Variants in UQCRB observed in about 807,000 individuals in gnomAD.
The protein encoded by UQCRB is ubiquinol-cytochrome c reductase binding protein, also known as cytochrome b-c1 complex subunit 7.
UQCRB carries 12 observed loss-of-function variants against 19.8 expected under a neutral mutation model. The observed-to-expected ratio is 0.61, with a 90% confidence interval of 0.39 to 0.98. The LOEUF (loss-of-function observed/expected upper bound fraction) is 0.98. UQCRB is among the 50% of genes least tolerant of loss of function. UQCRB has a pLI of 0.00. For missense variants in UQCRB, 142 were observed against 131.8 expected (o/e 1.08, Z -0.38); for synonymous variants, 39 against 42.9 (o/e 0.91, Z 0.35).
chr8:96,230,249 GTAT>G lies in UQCRB; in HGVS notation c.*803_*805del, dbSNP rs764200114. On this transcript the variant is annotated 3_prime_UTR_variant, in exon 4 of 4. Transcript: ENST00000287022. ...TACCATCACGCCTAGCTAATTTTTT[GTAT>G]TTTTAGTAGAGACAGGGTTTCACCA... 14 of 423,038 alleles carry G rather than the reference GTAT, an allele frequency of 3.3e-5. No individual in the cohort carries two copies. The highest frequency in any genetic ancestry group is 2.5e-4 in the African/African-American group (12 of 48,692). 26.2% of individuals were successfully genotyped at this position (423,038 alleles called of 1,614,324 possible). A position where few individuals can be genotyped will look rare whatever the true frequency, so the allele number is the denominator to read the frequency against.
chr8:96,227,075 A>G lies in UQCRB; in HGVS notation c.*3980T>C. ...TGGCATATAAATTAAAACATTTAAA[A>G]TATTTTAACATCTATAGACTTTATT... On this transcript the variant is annotated 3_prime_UTR_variant, in exon 4 of 4. Coordinates refer to ENST00000287022, the MANE Select transcript of UQCRB (RefSeq NM_006294.5). The G allele has an allele frequency of 2.2e-6, 1 of 453,592 alleles. No individual in the cohort carries two copies. Among genetic ancestry groups the G allele is most frequent in the South Asian group, 1.6e-5 (1 of 64,184 alleles). 28.1% of individuals were successfully genotyped at this position (453,592 alleles called of 1,614,324 possible). A position where few individuals can be genotyped will look rare whatever the true frequency, so the allele number is the denominator to read the frequency against.
chr8:96,229,090 C>T lies in UQCRB; in HGVS notation c.*1965G>A, dbSNP rs1467808876. The T allele has an allele frequency of 2.2e-6, 1 of 453,972 alleles. No homozygotes were observed. Among genetic ancestry groups the T allele is most frequent in the East Asian group, 6.9e-5 (1 of 14,392 alleles). 28.1% of individuals were successfully genotyped at this position (453,972 alleles called of 1,614,324 possible). A position where few individuals can be genotyped will look rare whatever the true frequency, so the allele number is the denominator to read the frequency against. ...CGATAACCATAATTTATAATGAACA[C>T]AAAACATTGATCTAGTGTTCAAAGA... On this transcript the variant is annotated 3_prime_UTR_variant, in exon 4 of 4. Transcript: ENST00000287022.
chr8:96,225,777 T>C lies in UQCRB; in HGVS notation c.*5278A>G, dbSNP rs1809514919. On this transcript the variant is annotated 3_prime_UTR_variant, in exon 4 of 4. Transcript: ENST00000287022. ...TTAGTTTACCTTCTCCATGTTTCCA[T>C]AGTACCCAGTACATATTTTTTGTGG... 6.6e-6 allele frequency: 1 copy of C among 152,024 alleles called. No homozygotes were observed. Among genetic ancestry groups the C allele is most frequent in the African/African-American group, 2.4e-5 (1 of 41,394 alleles). The allele number at this position is 152,024 out of a possible 1,614,324, so 9.4% of individuals were successfully genotyped here.
In UQCRB at chr8:96,225,697, T is replaced by C. The variant is rs1344342327; in HGVS notation, c.*5358A>G. Among the ~76,000 whole-genome samples, 3 of 151,956 alleles carry C rather than the reference T, an allele frequency of 2.0e-5. No individual in the cohort carries two copies. Among genetic ancestry groups the C allele is most frequent in the African/African-American group, 7.2e-5 (3 of 41,382 alleles). Reference sequence around the variant, plus strand: ...TCTTCTTGGCTTAGCTAACTTTGCTTACTGTTCTGGAATCAGCCACATTAT... The same window carrying C: ...TCTTCTTGGCTTAGCTAACTTTGCTCACTGTTCTGGAATCAGCCACATTAT... On this transcript the variant is annotated 3_prime_UTR_variant, in exon 4 of 4. Coordinates refer to ENST00000287022, the MANE Select transcript of UQCRB (RefSeq NM_006294.5).
At position 96,227,121 on chromosome 8, in the gene UQCRB, T is replaced by C. The variant is rs1809541928; in HGVS notation, c.*3934A>G. The C allele has an allele frequency of 2.2e-6, 1 of 452,736 alleles. No individual in the cohort carries two copies. Among genetic ancestry groups the C allele is most frequent in the African/African-American group, 2.0e-5 (1 of 49,868 alleles). 28.0% of individuals were successfully genotyped at this position (452,736 alleles called of 1,614,324 possible). ...TTATTAGGTGTTCCTTATACAGTCA[T>C]CTGGTATGTTTAAAGAGTGAGCAAT... On this transcript the variant is annotated 3_prime_UTR_variant, in exon 4 of 4. Coordinates refer to ENST00000287022, the MANE Select transcript of UQCRB (RefSeq NM_006294.5).
At position 96,224,206 on chromosome 8, in the gene UQCRB, G is replaced by A. The variant is rs1418951558; in HGVS notation, c.*6849C>T. Among the ~76,000 whole-genome samples, 1 of 152,148 alleles carries A rather than the reference G, an allele frequency of 6.6e-6. No individual in the cohort carries two copies. Among genetic ancestry groups the A allele is most frequent in the African/African-American group, 2.4e-5 (1 of 41,430 alleles). On this transcript the variant is annotated 3_prime_UTR_variant, in exon 4 of 4. Coordinates refer to ENST00000287022, the MANE Select transcript of UQCRB (RefSeq NM_006294.5). Reference sequence around the variant, plus strand: ...CCAATGAAGGGACAATTAACAAACGGCAGGCAAGGTCAAGGAGAACCAACT... The same window carrying A: ...CCAATGAAGGGACAATTAACAAACGACAGGCAAGGTCAAGGAGAACCAACT...
rs1437544685 is a variant in UQCRB, at chr8:96,230,576, T to C, written c.*479A>G. On this transcript the variant is annotated 3_prime_UTR_variant, in exon 4 of 4. Transcript: ENST00000287022. ...TAGTATACATGTTAGCACAGGAGTA[T>C]GTATATTACTTAAGTATGCCTATGT... is the stretch of plus-strand genomic sequence containing the variant. 2 of 454,434 alleles carry C rather than the reference T, an allele frequency of 4.4e-6. No individual in the cohort carries two copies. The highest frequency in any genetic ancestry group is 8.8e-6 in the Non-Finnish European group (2 of 227,138). The allele number at this position is 454,434 out of a possible 1,614,324, so 28.2% of individuals were successfully genotyped here.
In UQCRB at chr8:96,229,580, G is replaced by T. The variant is rs1373298225; in HGVS notation, c.*1475C>A. On this transcript the variant is annotated 3_prime_UTR_variant, in exon 4 of 4. Transcript: ENST00000287022. Reference sequence around the variant, plus strand: ...AGGAAAATTTTCTGAATAGACAAATGCTTTTAAAGGGGGTTCTAGACAGCC... The same window carrying T: ...AGGAAAATTTTCTGAATAGACAAATTCTTTTAAAGGGGGTTCTAGACAGCC... 2 of 454,070 alleles carry T rather than the reference G, an allele frequency of 4.4e-6. No individual in the cohort carries two copies. Among genetic ancestry groups the T allele is most frequent in the Admixed American group, 4.7e-5 (2 of 42,566 alleles). The allele number at this position is 454,070 out of a possible 1,614,324, so 28.1% of individuals were successfully genotyped here. A position where few individuals can be genotyped will look rare whatever the true frequency, so the allele number is the denominator to read the frequency against.
At position 96,229,697 on chromosome 8, in the gene UQCRB, T is replaced by A. The variant is rs929692043; in HGVS notation, c.*1358A>T. ...AAACCATTATCAAGTGATCTAGTTG[T>A]CTTCAACCATACAAAAGAAAATTGA... On this transcript the variant is annotated 3_prime_UTR_variant, in exon 4 of 4. Transcript: ENST00000287022. 7 of 453,300 alleles carry A rather than the reference T, an allele frequency of 1.5e-5. No homozygotes were observed. The highest frequency in any genetic ancestry group is 2.6e-5 in the Non-Finnish European group (6 of 226,706). 28.1% of individuals were successfully genotyped at this position (453,300 alleles called of 1,614,324 possible).
At chr8:96,231,494 G>A (rs1480342308) in intron 3 of UQCRB, 6 of 1,534,064 alleles carry the variant, frequency 3.9e-6, no homozygotes, top group Non-Finnish European at 5.2e-6. Flanking sequence ...GAAGCAGAGT[G>A]CAGAGCTGGA....
chr8:96,230,515 T>C lies in UQCRB; in HGVS notation c.*540A>G. On this transcript the variant is annotated 3_prime_UTR_variant, in exon 4 of 4. Transcript: ENST00000287022. ...GGATATGGGGACAGTATGATTTGTC[T>C]TTATACTTTTATTTTTCTAACATCT... 1 of 453,958 alleles carries C rather than the reference T, an allele frequency of 2.2e-6. No homozygotes were observed. The highest frequency in any genetic ancestry group is 4.4e-6 in the Non-Finnish European group (1 of 226,776). The allele number at this position is 453,958 out of a possible 1,614,324, so 28.1% of individuals were successfully genotyped here. A position where few individuals can be genotyped will look rare whatever the true frequency, so the allele number is the denominator to read the frequency against.
chr8:96,228,200 T>A lies in UQCRB; in HGVS notation c.*2855A>T. The A allele has an allele frequency of 1.1e-5, 5 of 454,084 alleles. No individual in the cohort carries two copies. Among genetic ancestry groups the A allele is most frequent in the South Asian group, 7.8e-5 (5 of 64,474 alleles). The allele number at this position is 454,084 out of a possible 1,614,324, so 28.1% of individuals were successfully genotyped here. ...TAGACCACTTCAGAGTAAACAAACA[T>A]AACTTTCTTCAAGATGTAGGAAAAC... On this transcript the variant is annotated 3_prime_UTR_variant, in exon 4 of 4. Coordinates refer to ENST00000287022, the MANE Select transcript of UQCRB (RefSeq NM_006294.5).
intron 1 of UQCRB, 171 bp downstream of exon 1, chr8:96,235,341 G>C (rs533331399): frequency 1.0e-6 from 1 of 998,496 alleles, no homozygotes; most frequent in Non-Finnish European, 1.6e-6. Context: ...GCCCGCCCTG[G>C]GGACAGCAAA....
At position 96,229,223 on chromosome 8, in the gene UQCRB, A is replaced by C. The variant is rs1563535557; in HGVS notation, c.*1832T>G. On this transcript the variant is annotated 3_prime_UTR_variant, in exon 4 of 4. Transcript: ENST00000287022. ...CTCTTACAAAATCAGAGGTTGCCTT[A>C]TGTAATACCACACTTTACCTTGAGC... 2.2e-6 allele frequency: 1 copy of C among 454,008 alleles called. No homozygotes were observed. The highest frequency in any genetic ancestry group is 4.4e-6 in the Non-Finnish European group (1 of 226,796). The allele number at this position is 454,008 out of a possible 1,614,324, so 28.1% of individuals were successfully genotyped here. A position where few individuals can be genotyped will look rare whatever the true frequency, so the allele number is the denominator to read the frequency against.
Position 96,227,337 on chromosome 8 carries a change from G to C in UQCRB, c.*3718C>G, listed in dbSNP as rs1809547649. 2.2e-6 allele frequency: 1 copy of C among 454,084 alleles called. No homozygotes were observed. Among genetic ancestry groups the C allele is most frequent in the Non-Finnish European group, 4.4e-6 (1 of 226,780 alleles). The allele number at this position is 454,084 out of a possible 1,614,324, so 28.1% of individuals were successfully genotyped here. ...GAAAAATGAAGGAGGGGAGGGAGTT[G>C]GTGGGGCGCAGAATGGAGAAATCTT... On this transcript the variant is annotated 3_prime_UTR_variant, in exon 4 of 4. Coordinates refer to ENST00000287022, the MANE Select transcript of UQCRB (RefSeq NM_006294.5).
At position 96,228,244 on chromosome 8, in the gene UQCRB, C is replaced by T; in HGVS notation, c.*2811G>A. Reference sequence around the variant, plus strand: ...GGAAAACTGTATATTCAAAACCAATCTCAAACTTTAAACAACAAAAGATAT... The same window carrying T: ...GGAAAACTGTATATTCAAAACCAATTTCAAACTTTAAACAACAAAAGATAT... On this transcript the variant is annotated 3_prime_UTR_variant, in exon 4 of 4. Coordinates refer to ENST00000287022, the MANE Select transcript of UQCRB (RefSeq NM_006294.5). 2.2e-6 allele frequency: 1 copy of T among 454,096 alleles called. No individual in the cohort carries two copies. Among genetic ancestry groups the T allele is most frequent in the South Asian group, 1.6e-5 (1 of 64,484 alleles). 28.1% of individuals were successfully genotyped at this position (454,096 alleles called of 1,614,324 possible).
rs1301397272 is a variant in UQCRB at position 96,225,263 on chromosome 8, C to T, written c.*5792G>A. On this transcript the variant is annotated 3_prime_UTR_variant, in exon 4 of 4. Coordinates refer to ENST00000287022, the MANE Select transcript of UQCRB (RefSeq NM_006294.5). ...TCAATCCAAGAAATGCAAGTTTAAA[C>T]AAGAAACTCTCCAACCAAATTCACA... 6.6e-6 allele frequency among the ~76,000 whole-genome samples: 1 copy of T among 152,134 alleles called. No homozygotes were observed. Among genetic ancestry groups the T allele is most frequent in the African/African-American group, 2.4e-5 (1 of 41,430 alleles).
chr8:96,232,539 T>A (rs1809700476), intron 2 of UQCRB: 2 of 154,292 alleles, frequency 1.3e-5, no homozygotes, highest in Admixed American at 1.3e-4. Context: ...TAATTTAAAT[T>A]AAAATTTTAA....
rs1809617979 is a variant in UQCRB at position 96,229,837 on chromosome 8, G to T, written c.*1218C>A. 2.2e-6 allele frequency: 1 copy of T among 453,756 alleles called. No homozygotes were observed. The highest frequency in any genetic ancestry group is 4.4e-6 in the Non-Finnish European group (1 of 226,720). 28.1% of individuals were successfully genotyped at this position (453,756 alleles called of 1,614,324 possible). On this transcript the variant is annotated 3_prime_UTR_variant, in exon 4 of 4. Coordinates refer to ENST00000287022, the MANE Select transcript of UQCRB (RefSeq NM_006294.5). ...AATATTTTAGCAAAAATTTAAAGAT[G>T]CTCTTTATGATACACACATTTCTCA...
Sources: gnomAD v4.1 joint callset for allele counts (sites outside exome capture counted in the v4.1 genomes callset) on GRCh38, gnomAD v4.1.1 for gene constraint, MANE v1.5 for transcripts, NCBI Gene and HGNC (gene_info 2026-07-23, HGNC 2026-07-21) for gene names.